The following SPATS2 variants were observed in gnomAD, a reference collection of about 807,000 sequenced individuals.
SPATS2 encodes the protein spermatogenesis-associated serine-rich protein 2.
In SPATS2, 38 loss-of-function variants were observed where a neutral mutation model predicts 63.7. The observed-to-expected ratio is 0.60, with a 90% CI of 0.46 to 0.78. The LOEUF (loss-of-function observed/expected upper bound fraction) is 0.78. Among genes scored for constraint, SPATS2 ranks in the 30% least tolerant of loss-of-function variants. SPATS2 has a pLI of 0.00. For synonymous variants in SPATS2, 207 were observed against 232.9 expected (o/e 0.89, Z 1.01); for missense variants, 588 against 666.2 (o/e 0.88, Z 1.29).
At chr12:49,485,334 G>A (rs1012947060) in intron 4 of SPATS2, among the ~76,000 whole-genome samples, 25 of 151,938 alleles carry the variant, frequency 1.6e-4, no homozygotes, top group Non-Finnish European at 2.9e-4. Context: ...GATTACAAGC[G>A]TGAGCCACCA....
intron 11 of SPATS2, among the ~76,000 whole-genome samples, chr12:49,521,356 C>G (rs1399534144): frequency 6.6e-6 from 1 of 152,314 alleles, no homozygotes; most frequent in Admixed American, 6.5e-5. Context: ...GTTGTTCTCT[C>G]ACTGCCTCCC....
At chr12:49,462,373 C>T (rs1174803090) in intron 3 of SPATS2, 5 of 702,420 alleles carry the variant, frequency 7.1e-6, no homozygotes, top group South Asian at 5.9e-5. Flanking sequence ...TGTGTGGGCC[C>T]CGTGGCAGCA....
chr12:49,435,121 C>T (rs536593910), intron 2 of SPATS2, among the ~76,000 whole-genome samples: 2 of 149,860 alleles, frequency 1.3e-5, no homozygotes, highest in South Asian at 4.2e-4. Flanking sequence ...AGCTCCTCCT[C>T]CCGGGTTCAC....
At chr12:49,425,977 CA>C (rs1205084358) in intron 2 of SPATS2, among the ~76,000 whole-genome samples, 1 of 152,186 alleles carries the variant, frequency 6.6e-6, no homozygotes, top group Non-Finnish European at 1.5e-5. Flanking sequence ...ATTATGAGCA[CA>C]ACTGGCATTA....
At position 49,489,446 on chromosome 12, in the gene SPATS2, AC is replaced by A. The variant is rs770238109; in HGVS notation, c.106-16del. The A allele has an allele frequency of 6.2e-7, 1 of 1,604,744 alleles. No individual in the cohort carries two copies. Among genetic ancestry groups the A allele is most frequent in the South Asian group, 1.1e-5 (1 of 90,564 alleles). ...GACCTACTAATGTTAGAATTAAATG[AC>A]CCTGTCATCTTTTCCAGATAAATGC... On this transcript the variant is annotated intron_variant, in intron 4 of 13. Transcript: ENST00000552918.
At chr12:49,398,244 C>G (rs1944547967) in intron 2 of SPATS2, among the ~76,000 whole-genome samples, 1 of 151,438 alleles carries the variant, frequency 6.6e-6, no homozygotes, top group Non-Finnish European at 1.5e-5. Context: ...AGACTAGGGC[C>G]AGTTCATAAA....
chr12:49,462,781 G>A lies in SPATS2; in HGVS notation c.25+1744G>A, dbSNP rs540693115. Reference sequence around the variant, plus strand: ...TTTTTCTCCAAAGTTACACCATCAAGCTGTCCCTCTAAAGTCAACCCACTT... The same window carrying A: ...TTTTTCTCCAAAGTTACACCATCAAACTGTCCCTCTAAAGTCAACCCACTT... On this transcript the variant is annotated intron_variant, in intron 3 of 13. Coordinates refer to ENST00000552918, the MANE Select transcript of SPATS2 (RefSeq NM_023071.4). 27 of 354,838 alleles carry A rather than the reference G, an allele frequency of 7.6e-5. No individual in the cohort carries two copies. The South Asian group carries it at 7.7e-4, about 10-fold the overall frequency. The allele number at this position is 354,838 out of a possible 1,614,324, so 22.0% of individuals were successfully genotyped here.
upstream of SPATS2, chr12:49,367,230 GCGCGCCGGATTCGCGCCGGCGCGAGTA>G (rs1943912611): frequency 1.6e-5 from 4 of 243,058 alleles, no homozygotes; most frequent in South Asian, 7.0e-4. Context: ...CTCGAGCTTG[GCGCGCCGGATTCGCGCCGGCGCGAGTA>G]CGCGCCCTGA....
chr12:49,522,729 CCTTT>C lies in SPATS2; in HGVS notation c.1009-17_1009-14del, dbSNP rs771727290. ...GGATGTTGTTTGTCTAACCTGGAGG[CCTTT>C]CTTTGTCCTTTCTCCAGCACTTTGT... On this transcript the variant is annotated intron_variant, in intron 11 of 13. Coordinates refer to ENST00000552918, the MANE Select transcript of SPATS2 (RefSeq NM_023071.4). 6 of 1,596,104 alleles carry C rather than the reference CCTTT, an allele frequency of 3.8e-6. No individual in the cohort carries two copies. The African/African-American group carries it at 8.1e-5, about 21-fold the overall frequency.
intron 2 of SPATS2, among the ~76,000 whole-genome samples, chr12:49,388,389 C>G (rs1165273676): frequency 6.6e-6 from 1 of 150,794 alleles, no homozygotes; most frequent in African/African-American, 2.4e-5. Context: ...AATTTTTTTT[C>G]CCCTGACAGG....
At chr12:49,390,148 A>G in intron 2 of SPATS2, 1 of 1,537,924 alleles carries the variant, frequency 6.5e-7, no homozygotes, top group Non-Finnish European at 8.9e-7. Flanking sequence ...CAGTGACTTG[A>G]GTCTGAGGAA....
chr12:49,367,264 C>G, upstream of SPATS2: 1 of 322,488 alleles, frequency 3.1e-6, no homozygotes, highest in Non-Finnish European at 5.6e-6. Flanking sequence ...AGTACGCGCC[C>G]TGAGCTCTGG....
intron 2 of SPATS2, among the ~76,000 whole-genome samples, chr12:49,436,798 G>A (rs1350909863): frequency 7.1e-6 from 1 of 140,538 alleles, no homozygotes; most frequent in Non-Finnish European, 1.6e-5. Flanking sequence ...TCACTTCCCA[G>A]TAGGGGCGGC....
intron 2 of SPATS2, among the ~76,000 whole-genome samples, chr12:49,373,510 G>C (rs1179549971): frequency 6.6e-6 from 1 of 152,142 alleles, no homozygotes; most frequent in African/African-American, 2.4e-5. Flanking sequence ...TGGGGGCTGG[G>C]CATGGTGGGA....
intron 10 of SPATS2, among the ~76,000 whole-genome samples, chr12:49,515,511 C>T (rs1056492271): frequency 6.6e-6 from 1 of 152,238 alleles, no homozygotes. Context: ...GAAATGACTT[C>T]AGCTTTGGTC....
intron 2 of SPATS2, among the ~76,000 whole-genome samples, chr12:49,430,445 T>A (rs1343545357): frequency 6.6e-6 from 1 of 152,058 alleles, no homozygotes; most frequent in Non-Finnish European, 1.5e-5. Context: ...TATTTATTGG[T>A]AAACTGATTA....
intron 1 of SPATS2, among the ~76,000 whole-genome samples, chr12:49,369,349 C>G (rs1443279340): frequency 1.3e-5 from 2 of 152,110 alleles, no homozygotes; most frequent in African/African-American, 4.8e-5. Flanking sequence ...TAATTGACCT[C>G]TTTCAGTGGG....
At chr12:49,519,282 AT>A in intron 11 of SPATS2, 100 bp downstream of exon 11, 6 of 914,906 alleles carry the variant, frequency 6.6e-6, no homozygotes, top group Non-Finnish European at 9.5e-6. Flanking sequence ...TAAACTCATG[AT>A]CTTCCTTTCC....
At chr12:49,457,776 C>CT (rs1197821817) in intron 2 of SPATS2, among the ~76,000 whole-genome samples, 1 of 152,158 alleles carries the variant, frequency 6.6e-6, no homozygotes, top group East Asian at 1.9e-4. Context: ...TGTTGAGAAG[C>CT]TTGCCACTGA....
Sources: gnomAD v4.1 joint callset for allele counts (sites outside exome capture counted in the v4.1 genomes callset) on GRCh38, gnomAD v4.1.1 for gene constraint, MANE v1.5 for transcripts, NCBI Gene and HGNC (gene_info 2026-07-23, HGNC 2026-07-21) for gene names.